The following DNASE2B variants were observed in gnomAD, a reference collection of about 807,000 sequenced individuals.
DNASE2B encodes deoxyribonuclease 2 beta, also known as deoxyribonuclease-2-beta.
Under a neutral mutation model 46.0 loss-of-function variants are expected in DNASE2B, and 43 were observed. That is an observed-to-expected ratio of 0.94 (90% confidence interval 0.73 to 1.21). DNASE2B has a LOEUF of 1.21. DNASE2B is among the 50% of genes most tolerant of loss of function. The pLI, the probability that DNASE2B is intolerant of heterozygous loss-of-function variation, is 0.00. For missense variants in DNASE2B, 395 were observed against 414.4 expected (o/e 0.95, Z 0.41); for synonymous variants, 156 against 152.5 (o/e 1.02, Z -0.17).
intron 2 of DNASE2B, 173 bp from the exon 3 acceptor site, chr1:84,408,264 T>G (rs542497945): frequency 9.3e-7 from 1 of 1,070,540 alleles, no homozygotes; most frequent in African/African-American, 1.7e-5. Flanking sequence ...CTTTCCCCTG[T>G]CTTTCATGTC....
intron 2 of DNASE2B, among the ~76,000 whole-genome samples, chr1:84,403,811 A>G (rs926025341): frequency 1.3e-5 from 2 of 152,062 alleles, no homozygotes; most frequent in Non-Finnish European, 2.9e-5. Context: ...CTTTTGAGAC[A>G]GGATCTCATT....
intron 2 of DNASE2B, among the ~76,000 whole-genome samples, chr1:84,403,084 C>A (rs969845675): frequency 1.3e-5 from 2 of 152,196 alleles, no homozygotes; most frequent in Non-Finnish European, 2.9e-5. Flanking sequence ...TATCTGTAGG[C>A]TATTTGAGAA....
intron 2 of DNASE2B, 28 bp downstream of exon 2, chr1:84,402,106 G>T: frequency 1.3e-6 from 2 of 1,564,304 alleles, no homozygotes; most frequent in South Asian, 2.4e-5. Context: ...TTGTTCACTT[G>T]AATAATATAA....
chr1:84,412,484 C>G lies in DNASE2B; in HGVS notation c.683C>G (p.Thr228Arg). 1 of 1,613,980 alleles carries G rather than the reference C, an allele frequency of 6.2e-7. No homozygotes were observed. Among genetic ancestry groups the G allele is most frequent in the East Asian group, 2.2e-5 (1 of 44,872 alleles). The change falls in exon 5 of 6, where the codon ACA (threonine) becomes AGA (arginine). Residue 228 changes from threonine (T) to arginine (R), a missense_variant. Transcript: ENST00000370665. Reference protein sequence around the residue: ...SSEIPGRLLTTLQSAQGQKFL... With the variant: ...SSEIPGRLLTRLQSAQGQKFL... ...GAGATTCCTGGCAGGCTCCTCACCA[C>G]ACTTCAGTCGGCCCAGGGACAAAAA...
At chr1:84,404,099 C>T (rs1208174839) in intron 2 of DNASE2B, among the ~76,000 whole-genome samples, 1 of 151,984 alleles carries the variant, frequency 6.6e-6, no homozygotes, top group Non-Finnish European at 1.5e-5. Context: ...AGACACTGCA[C>T]CCAGCCTAAA....
Position 84,414,527 on chromosome 1 carries a change from G to C in DNASE2B, c.746-1G>C. 1 of 1,601,830 alleles carries C rather than the reference G, an allele frequency of 6.2e-7. No individual in the cohort carries two copies. Among genetic ancestry groups the C allele is most frequent in the Non-Finnish European group, 8.5e-7 (1 of 1,174,318 alleles). On this transcript the variant is annotated splice_acceptor_variant, in intron 5 of 5. Coordinates refer to ENST00000370665, the MANE Select transcript of DNASE2B (RefSeq NM_021233.3). LOFTEE classifies it high-confidence loss of function. ...ACTATCTTTCTCCTCCTAAACCCTA[G>C]ACATCTTTGCAGCCTGGATGGCTCA...
intron 4 of DNASE2B, 49 bp from the exon 5 acceptor site, chr1:84,412,300 T>A: frequency 7.1e-7 from 1 of 1,416,160 alleles, no homozygotes; most frequent in South Asian, 1.7e-5. Context: ...AGCAGGTATT[T>A]CCATTTGTGT....
At chr1:84,399,545 T>C (rs771178311) in intron 1 of DNASE2B, among the ~76,000 whole-genome samples, 1 of 152,164 alleles carries the variant, frequency 6.6e-6, no homozygotes, top group Non-Finnish European at 1.5e-5. Context: ...AAAACTTCTC[T>C]AAGGATGTAA....
chr1:84,415,003 C>A lies in DNASE2B; in HGVS notation c.*135C>A. The A allele has an allele frequency of 1.6e-6, 1 of 634,446 alleles. No homozygotes were observed. The highest frequency in any genetic ancestry group is 2.4e-5 in the South Asian group (1 of 40,976). 39.3% of individuals were successfully genotyped at this position (634,446 alleles called of 1,614,324 possible). On this transcript the variant is annotated 3_prime_UTR_variant, in exon 6 of 6. Transcript: ENST00000370665. ...ATCACAAAATAAAACATTTTTCTCT[C>A]ATGTTTACCATTTAATCTTCTATTT... is the stretch of plus-strand genomic sequence containing the variant.
rs1017322633 is a variant in DNASE2B at position 84,410,688 on chromosome 1, T to C, written c.386-150T>C. 10 of 805,846 alleles carry C rather than the reference T, an allele frequency of 1.2e-5. No individual in the cohort carries two copies. The African/African-American group carries it at 1.8e-4, about 14-fold the overall frequency. 49.9% of individuals were successfully genotyped at this position (805,846 alleles called of 1,614,324 possible). ...ATATGTGCCAGAATTGTATTTGAAATCTTTGAAAAATAAGCATGATCCTTG... is the reference window on the plus strand; with the variant it reads ...ATATGTGCCAGAATTGTATTTGAAACCTTTGAAAAATAAGCATGATCCTTG... On this transcript the variant is annotated intron_variant, in intron 3 of 5. Coordinates refer to ENST00000370665, the MANE Select transcript of DNASE2B (RefSeq NM_021233.3).
chr1:84,402,075 T>C lies in DNASE2B; in HGVS notation c.300T>C (p.Ser100=). The C allele has an allele frequency of 6.3e-7, 1 of 1,599,010 alleles. No homozygotes were observed. Among genetic ancestry groups the C allele is most frequent in the East Asian group, 2.2e-5 (1 of 44,450 alleles). Residue 100 remains serine, a synonymous_variant, in exon 2 of 6, where the codon TCT becomes TCC. Transcript: ENST00000370665. ...AACAGCTATATGAAGCATATGCCTC[T>C]AAGGTATGTTATATAGTTAATTGTT... ...TLQQLYEAYA[S]KSNNTAYLIY... is the part of the protein sequence containing the mutation.
chr1:84,413,860 G>C (rs1470226312), intron 5 of DNASE2B, among the ~76,000 whole-genome samples: 1 of 152,150 alleles, frequency 6.6e-6, no homozygotes, highest in African/African-American at 2.4e-5. Flanking sequence ...TAGTTACCCA[G>C]TCACTCCCCA....
In DNASE2B at chr1:84,414,554, C is replaced by A; in HGVS notation, c.772C>A (p.Arg258=). The A allele has an allele frequency of 6.2e-7, 1 of 1,612,124 alleles. No homozygotes were observed. Among genetic ancestry groups the A allele is most frequent in the Admixed American group, 1.7e-5 (1 of 59,800 alleles). ...CATCTTTGCAGCCTGGATGGCTCAA[C>A]GGCTGAAGACACACTTGTTAACAGA... The part of the protein sequence containing the change: ...DDIFAAWMAQ[R]LKTHLLTETW... Residue 258 remains arginine (R), a synonymous_variant, in exon 6 of 6, where the codon CGG becomes AGG. Transcript: ENST00000370665.
chr1:84,410,735 A>C (rs1187287046), intron 3 of DNASE2B, 103 bp from the exon 4 acceptor site: 2 of 1,078,562 alleles, frequency 1.9e-6, no homozygotes, highest in African/African-American at 1.6e-5. Flanking sequence ...CTAATAAAAC[A>C]CTAGTCTGAA....
At chr1:84,401,519 C>G (rs1030061632) in intron 1 of DNASE2B, among the ~76,000 whole-genome samples, 1 of 152,186 alleles carries the variant, frequency 6.6e-6, no homozygotes, top group African/African-American at 2.4e-5. Flanking sequence ...GTACCTTCCA[C>G]CTCTCCTGAA....
chr1:84,411,428 GTGTGTGTGTGTGTGTGTGTGTGT>G lies in DNASE2B; in HGVS notation c.547+430_547+452del, dbSNP rs1680591075. Among the ~76,000 whole-genome samples the G allele has an allele frequency of 0.022, 104 of 4,768 alleles. 2 individuals are homozygous for G. The East Asian group carries it at 0.31, about 14-fold the overall frequency. 3.1% of individuals were successfully genotyped at this position (4,768 alleles called of 152,430 possible). On this transcript the variant is annotated intron_variant, in intron 4 of 5. Coordinates refer to ENST00000370665, the MANE Select transcript of DNASE2B (RefSeq NM_021233.3). ...TCATGAAGTACCAGAAACCTAGGGT[GTGTGTGTGTGTGTGTGTGTGTGT>G]GTGTGTGTGTGTGTGTGTGTGTGTG...
chr1:84,399,906 G>C (rs1680376618), intron 1 of DNASE2B, among the ~76,000 whole-genome samples: 1 of 152,166 alleles, frequency 6.6e-6, no homozygotes, highest in Non-Finnish European at 1.5e-5. Flanking sequence ...GGATGGATGG[G>C]GAGCAGCCTA....
At chr1:84,409,499 A>ATG (rs1199212120) in intron 3 of DNASE2B, among the ~76,000 whole-genome samples, 2 of 152,188 alleles carry the variant, frequency 1.3e-5, no homozygotes, top group Non-Finnish European at 2.9e-5. Context: ...GCGCAATAAA[A>ATG]TGTATCCACA....
At chr1:84,414,483 A>T in intron 5 of DNASE2B, 45 bp from the exon 6 acceptor site, 1 of 1,498,338 alleles carries the variant, frequency 6.7e-7, no homozygotes, top group Non-Finnish European at 9.0e-7. Flanking sequence ...GGACTAATCT[A>T]AGTGTAAATA....
Sources: allele counts gnomAD v4.1 joint callset (sites outside exome capture counted in the v4.1 genomes callset), GRCh38; gene constraint gnomAD v4.1.1; transcripts MANE v1.5; gene names NCBI Gene and HGNC (gene_info 2026-07-23, HGNC 2026-07-21).